Variants in NETO1 observed in about 807,000 individuals in gnomAD.
The protein encoded by NETO1 is neuropilin and tolloid-like protein 1.
NETO1 carries 26 observed loss-of-function variants against 61.3 expected under a neutral mutation model. The observed-to-expected ratio is 0.42, with a 90% CI of 0.31 to 0.59. NETO1 has a LOEUF of 0.59. Ranked by LOEUF, NETO1 falls within the 20% of genes least tolerant of loss-of-function variation. The pLI is 0.12. For synonymous variants in NETO1, 225 were observed against 225.8 expected (o/e 1.00, Z 0.03); for missense variants, 531 against 662.8 (o/e 0.80, Z 2.18).
intron 6 of NETO1, 24 bp downstream of exon 6, chr18:72,794,093 T>C: frequency 1.2e-6 from 2 of 1,614,096 alleles, no homozygotes; most frequent in Non-Finnish European, 8.5e-7. Context: ...AGCTGTCAAG[T>C]GTGGGTTTCA....
chr18:72,803,746 G>A (rs368555337), intron 4 of NETO1, among the ~76,000 whole-genome samples: 28 of 150,736 alleles, frequency 1.9e-4, no homozygotes, highest in East Asian at 1.8e-3. Flanking sequence ...GCTTGAACCC[G>A]GGAGGTTGAG....
chr18:72,755,295 T>C (rs8094390), intron 8 of NETO1, among the ~76,000 whole-genome samples: 44,402 of 152,172 alleles, frequency 0.29, 7,695 homozygotes, highest in South Asian at 0.4. Context: ...CAATGAATAC[T>C]GTGGTATTAC....
intron 4 of NETO1, among the ~76,000 whole-genome samples, chr18:72,813,442 G>A (rs1731548466): frequency 6.6e-6 from 1 of 152,152 alleles, no homozygotes; most frequent in African/African-American, 2.4e-5. Context: ...TAAGACCTGA[G>A]GGAAGAACAG....
At chr18:72,832,889 AC>A (rs1464252808) in intron 4 of NETO1, among the ~76,000 whole-genome samples, 1 of 152,056 alleles carries the variant, frequency 6.6e-6, no homozygotes, top group African/African-American at 2.4e-5. Flanking sequence ...AGACAGATAC[AC>A]TTTATAAAAA....
At chr18:72,755,516 G>A (rs1309413291) in intron 8 of NETO1, among the ~76,000 whole-genome samples, 1 of 152,116 alleles carries the variant, frequency 6.6e-6, no homozygotes, top group Non-Finnish European at 1.5e-5. Context: ...GTATAGACAA[G>A]GGAAGGAGGC....
chr18:72,807,174 A>G (rs2072701468), intron 4 of NETO1, among the ~76,000 whole-genome samples: 1 of 152,198 alleles, frequency 6.6e-6, no homozygotes, highest in Non-Finnish European at 1.5e-5. Flanking sequence ...TTTTAAAGGT[A>G]TACTCTTTTC....
chr18:72,817,632 A>T (rs1257663161), intron 4 of NETO1, among the ~76,000 whole-genome samples: 1 of 152,254 alleles, frequency 6.6e-6, no homozygotes, highest in East Asian at 1.9e-4. Context: ...CCAAGTATTA[A>T]TACCGAATGC....
intron 4 of NETO1, among the ~76,000 whole-genome samples, chr18:72,798,652 C>G (rs2072400333): frequency 6.6e-6 from 1 of 152,152 alleles, no homozygotes; most frequent in African/African-American, 2.4e-5. Context: ...GCACACTTGT[C>G]TCAGTCACAG....
intron 4 of NETO1, among the ~76,000 whole-genome samples, chr18:72,852,381 A>G (rs1018700739): frequency 1.3e-5 from 2 of 151,926 alleles, no homozygotes; most frequent in African/African-American, 4.8e-5. Context: ...CGACCGGCTA[A>G]TTTTTCTGTA....
chr18:72,862,612 C>CTT (rs147165249), intron 3 of NETO1, among the ~76,000 whole-genome samples: 2 of 106,926 alleles, frequency 1.9e-5, no homozygotes, highest in Non-Finnish European at 4.3e-5. Context: ...ACTCATGATC[C>CTT]TTTTTTTTTC....
At chr18:72,754,949 G>A (rs2070737942) in intron 8 of NETO1, among the ~76,000 whole-genome samples, 1 of 152,114 alleles carries the variant, frequency 6.6e-6, no homozygotes, top group Admixed American at 6.5e-5. Context: ...CTCGCCATAG[G>A]CATAACCTCC....
chr18:72,779,418 A>C (rs1383296321), intron 7 of NETO1, among the ~76,000 whole-genome samples: 1 of 152,040 alleles, frequency 6.6e-6, no homozygotes. Flanking sequence ...CATCAGCCAC[A>C]ACAAAAATGT....
intron 7 of NETO1, among the ~76,000 whole-genome samples, chr18:72,766,242 G>C (rs866089721): frequency 0.011 from 1,592 of 151,246 alleles, 26 homozygotes; most frequent in African/African-American, 0.037. Flanking sequence ...GTGTGTGTGT[G>C]TGTGTGTGTG....
At chr18:72,813,801 C>G (rs1013358237) in intron 4 of NETO1, among the ~76,000 whole-genome samples, 8 of 152,016 alleles carry the variant, frequency 5.3e-5, no homozygotes, top group African/African-American at 1.7e-4. Flanking sequence ...CAGTGAGACA[C>G]TAATCTTATC....
At chr18:72,821,234 T>TAA (rs10672110) in intron 4 of NETO1, among the ~76,000 whole-genome samples, 2,491 of 80,138 alleles carry the variant, frequency 0.031, 136 homozygotes, top group African/African-American at 0.1. Flanking sequence ...TCATATTAAC[T>TAA]AAAAAAAAAA....
chr18:72,791,378 T>C lies in NETO1; in HGVS notation c.639+2739A>G, dbSNP rs150554652. On this transcript the variant is annotated intron_variant, in intron 6 of 10. Coordinates refer to ENST00000327305, the MANE Select transcript of NETO1 (RefSeq NM_138966.5). Reference sequence around the variant, plus strand: ...CTTGTGCTTTGATAGTCTATTCTCATAAGCTGCTAGGAACTCTATAAAAAT... The same window carrying C: ...CTTGTGCTTTGATAGTCTATTCTCACAAGCTGCTAGGAACTCTATAAAAAT... Among the ~76,000 whole-genome samples the C allele has an allele frequency of 5.3e-5, 8 of 152,316 alleles. No individual in the cohort carries two copies. In the East Asian group the frequency reaches 1.5e-3, roughly 29 times the overall value.
intron 3 of NETO1, among the ~76,000 whole-genome samples, chr18:72,860,727 TG>T (rs1440676469): frequency 4.5e-5 from 5 of 111,044 alleles, no homozygotes; most frequent in Admixed American, 1.1e-4. Flanking sequence ...TTCAATGACG[TG>T]GTTTTTTTTT....
chr18:72,810,324 A>G (rs1341776854), intron 4 of NETO1, among the ~76,000 whole-genome samples: 2 of 152,198 alleles, frequency 1.3e-5, no homozygotes, highest in Non-Finnish European at 2.9e-5. Context: ...GGAAGTAATC[A>G]TGTCAGCTGG....
intron 8 of NETO1, among the ~76,000 whole-genome samples, chr18:72,752,993 A>G (rs1232047166): frequency 6.6e-6 from 1 of 152,120 alleles, no homozygotes; most frequent in Non-Finnish European, 1.5e-5. Flanking sequence ...AGGCAGAACA[A>G]TAACAGAGCC....
Sources: gnomAD v4.1 joint callset for allele counts (sites outside exome capture counted in the v4.1 genomes callset) on GRCh38, gnomAD v4.1.1 for gene constraint, MANE v1.5 for transcripts, NCBI Gene and HGNC (gene_info 2026-07-23, HGNC 2026-07-21) for gene names.